PPP1R14D: variants seen among roughly 807,000 people sequenced by gnomAD.
PPP1R14D encodes protein phosphatase 1 regulatory inhibitor subunit 14D.
PPP1R14D carries 14 observed loss-of-function variants against 17.1 expected under a neutral mutation model. That is an observed-to-expected ratio of 0.82 (90% CI 0.54 to 1.28). The LOEUF (loss-of-function observed/expected upper bound fraction) is 1.28. Among genes scored for constraint, PPP1R14D ranks in the 50% most tolerant of loss-of-function variants. PPP1R14D has a pLI of 0.00. For missense variants in PPP1R14D, 173 were observed against 179.2 expected (o/e 0.97, Z 0.20); for synonymous variants, 67 against 66.1 (o/e 1.01, Z -0.06).
chr15:40,816,448 C>A (rs1231026649), intron 1 of PPP1R14D, among the ~76,000 whole-genome samples, 195 bp from the exon 2 acceptor site: 2 of 152,266 alleles, frequency 1.3e-5, no homozygotes, highest in Non-Finnish European at 2.9e-5. Flanking sequence ...TGCAGTGGCT[C>A]ATGCCTGTAA....
In PPP1R14D at chr15:40,816,175, G is replaced by A; in HGVS notation, c.334C>T (p.Leu112=). ...DLSTEEQKTQ[L]EAILGNCPRP... ...GCTTCTAGCCCCCATCCTACCTCCAGCTGAGTCTTCTGCTCCTCTGTGGAT... is the reference window on the plus strand; with the variant it reads ...GCTTCTAGCCCCCATCCTACCTCCAACTGAGTCTTCTGCTCCTCTGTGGAT... The change falls in exon 2 of 4, where the codon CTG becomes TTG. Residue 112 remains leucine (L), a synonymous_variant. Transcript: ENST00000299174. 2 of 1,614,048 alleles carry A rather than the reference G, an allele frequency of 1.2e-6. No homozygotes were observed. Among genetic ancestry groups the A allele is most frequent in the Non-Finnish European group, 1.7e-6 (2 of 1,179,928 alleles).
At chr15:40,816,745 G>T (rs1309482012) in intron 1 of PPP1R14D, among the ~76,000 whole-genome samples, 2 of 151,750 alleles carry the variant, frequency 1.3e-5, no homozygotes, top group Non-Finnish European at 2.9e-5. Context: ...AATAAAAAAA[G>T]ACATCTGTTA....
At chr15:40,827,256 C>T (rs1319550154) in intron 1 of PPP1R14D, among the ~76,000 whole-genome samples, 2 of 152,184 alleles carry the variant, frequency 1.3e-5, no homozygotes, top group Admixed American at 6.5e-5. Flanking sequence ...CGCCTGTAAT[C>T]CCAGCACTTT....
intron 1 of PPP1R14D, among the ~76,000 whole-genome samples, chr15:40,825,242 G>A (rs1890851030): frequency 6.6e-6 from 1 of 151,126 alleles, no homozygotes; most frequent in Non-Finnish European, 1.5e-5. Context: ...CCAAGGTCAT[G>A]CCATTGTACT....
At chr15:40,818,337 T>C (rs1022316093) in intron 1 of PPP1R14D, among the ~76,000 whole-genome samples, 1 of 146,216 alleles carries the variant, frequency 6.8e-6, no homozygotes, top group African/African-American at 2.5e-5. Flanking sequence ...GGATGATCTA[T>C]AGCAGCTTTA....
chr15:40,819,640 C>T (rs1470971672), intron 1 of PPP1R14D, among the ~76,000 whole-genome samples: 1 of 151,784 alleles, frequency 6.6e-6, no homozygotes, highest in East Asian at 1.9e-4. Flanking sequence ...CTCCATGGGT[C>T]ACTAGACCAC....
At chr15:40,826,619 G>A (rs1596130420) in intron 1 of PPP1R14D, among the ~76,000 whole-genome samples, 1 of 152,196 alleles carries the variant, frequency 6.6e-6, no homozygotes, top group Non-Finnish European at 1.5e-5. Flanking sequence ...TCCTAGTTGT[G>A]TGACCTTGGG....
intron 1 of PPP1R14D, chr15:40,817,445 A>AAC (rs1483795970): frequency 6.5e-6 from 1 of 152,854 alleles, no homozygotes; most frequent in Non-Finnish European, 1.5e-5. Context: ...CCCACTAAAT[A>AAC]AGATATATAG....
Position 40,816,337 on chromosome 15 carries a change from C to G in PPP1R14D, c.256-84G>C, listed in dbSNP as rs1890663746. ...TTACTGTCAGGGACTCAACCCACCTCTCTCCAATTTCCCATGGTTAGACTT... is the reference window on the plus strand; with the variant it reads ...TTACTGTCAGGGACTCAACCCACCTGTCTCCAATTTCCCATGGTTAGACTT... On this transcript the variant is annotated intron_variant, in intron 1 of 3. Transcript: ENST00000299174. 4.5e-6 allele frequency: 5 copies of G among 1,102,846 alleles called. No homozygotes were observed. The African/African-American group carries it at 6.2e-5, about 14-fold the overall frequency. 68.3% of individuals were successfully genotyped at this position (1,102,846 alleles called of 1,614,324 possible).
intron 1 of PPP1R14D, among the ~76,000 whole-genome samples, chr15:40,827,163 T>C (rs1395774086): frequency 6.6e-6 from 1 of 152,240 alleles, no homozygotes; most frequent in Non-Finnish European, 1.5e-5. Flanking sequence ...TCTATATTTG[T>C]GCTGACAACA....
chr15:40,819,317 G>A (rs1289598577), intron 1 of PPP1R14D, among the ~76,000 whole-genome samples: 2 of 152,148 alleles, frequency 1.3e-5, no homozygotes, highest in Admixed American at 1.3e-4. Context: ...CGAGGCTGAG[G>A]CAGATGGATC....
chr15:40,820,903 C>G (rs909894697), intron 1 of PPP1R14D, among the ~76,000 whole-genome samples: 1 of 150,442 alleles, frequency 6.6e-6, no homozygotes, highest in African/African-American at 2.5e-5. Flanking sequence ...ATAAAAGAAC[C>G]AGCCAGGCAC....
rs778473804 is a variant in PPP1R14D, at chr15:40,828,439, C to A, written c.203G>T (p.Arg68Leu). ...CACCCATTGCTCCATCTCCAGCCAG[C>A]GCTGGAGCTGGCCCCGGTCATACTT... ...TVKYDRGQLQ[R>L]WLEMEQWVDA... is the part of the protein sequence containing the mutation. The change falls in exon 1 of 4, where the codon CGC (arginine) becomes CTC (leucine). Residue 68 changes from arginine (R) to leucine (L), a missense_variant. Transcript: ENST00000299174. The A allele has an allele frequency of 1.2e-6, 2 of 1,613,618 alleles. No individual in the cohort carries two copies. Among genetic ancestry groups the A allele is most frequent in the East Asian group, 4.5e-5 (2 of 44,882 alleles).
Position 40,819,769 on chromosome 15 carries a change from T to C in PPP1R14D, c.256-3516A>G, listed in dbSNP as rs574609949. 5.3e-4 allele frequency among the ~76,000 whole-genome samples: 80 copies of C among 152,266 alleles called. 1 individual carries two copies. Among genetic ancestry groups the C allele is most frequent in the Middle Eastern group, 3.4e-3 (1 of 294 alleles). Reference sequence around the variant, plus strand: ...TCAGATTAACCCTAGATTCCACATATGATGGAAATAGCTATTGTGCTGGAG... The same window carrying C: ...TCAGATTAACCCTAGATTCCACATACGATGGAAATAGCTATTGTGCTGGAG... On this transcript the variant is annotated intron_variant, in intron 1 of 3. Coordinates refer to ENST00000299174, the MANE Select transcript of PPP1R14D (RefSeq NM_017726.8).
In PPP1R14D at chr15:40,815,675, G is replaced by A. The variant is rs747016240; in HGVS notation, c.*21C>T. ...GGGCAGGCCTGGCAGTGCTGAGGCT[G>A]CTAAAGATGGTCTCTCAGGCTTATT... On this transcript the variant is annotated 3_prime_UTR_variant, in exon 4 of 4. Transcript: ENST00000299174. The A allele has an allele frequency of 1.2e-6, 2 of 1,613,422 alleles. No individual in the cohort carries two copies. Among genetic ancestry groups the A allele is most frequent in the East Asian group, 2.2e-5 (1 of 44,874 alleles).
At chr15:40,824,141 C>A (rs1400686854) in intron 1 of PPP1R14D, among the ~76,000 whole-genome samples, 1 of 151,970 alleles carries the variant, frequency 6.6e-6, no homozygotes, top group Non-Finnish European at 1.5e-5. Context: ...CTGAGATGAA[C>A]AAGTGTGAGA....
At position 40,818,073 on chromosome 15, in the gene PPP1R14D, G is replaced by A. The variant is rs377345091; in HGVS notation, c.256-1820C>T. On this transcript the variant is annotated intron_variant, in intron 1 of 3. Coordinates refer to ENST00000299174, the MANE Select transcript of PPP1R14D (RefSeq NM_017726.8). ...TGGGAGGCTGAGGCGGGCTGATCAC[G>A]AGGTCAGGAGATTGAGACCATCCTG... is the stretch of plus-strand genomic sequence containing the variant. Among the ~76,000 whole-genome samples the A allele has an allele frequency of 1.2e-4, 18 of 152,094 alleles. No homozygotes were observed. The South Asian group carries it at 2.3e-3, about 19-fold the overall frequency.
At chr15:40,818,605 A>T (rs1040547384) in intron 1 of PPP1R14D, among the ~76,000 whole-genome samples, 1 of 145,394 alleles carries the variant, frequency 6.9e-6, no homozygotes, top group African/African-American at 2.9e-5. Flanking sequence ...TCTCAAAAAA[A>T]AGAAGAAGCC....
chr15:40,818,956 G>T (rs1179668643), intron 1 of PPP1R14D, among the ~76,000 whole-genome samples: 1 of 152,108 alleles, frequency 6.6e-6, no homozygotes, highest in Non-Finnish European at 1.5e-5. Flanking sequence ...ATATGTGGCG[G>T]CAGGGAGATA....
Sources: gnomAD v4.1 joint callset for allele counts (sites outside exome capture counted in the v4.1 genomes callset) on GRCh38, gnomAD v4.1.1 for gene constraint, MANE v1.5 for transcripts, NCBI Gene and HGNC (gene_info 2026-07-23, HGNC 2026-07-21) for gene names.